ZNF362: variants seen among roughly 807,000 people sequenced by gnomAD.
ZNF362 encodes the protein zinc finger protein 362, also known as rotund homolog.
In ZNF362, 11 loss-of-function variants were observed where a neutral mutation model predicts 42.9. That is an observed-to-expected ratio of 0.26 (90% CI 0.16 to 0.42). The LOEUF is 0.42. Ranked by LOEUF, ZNF362 falls within the 20% of genes least tolerant of loss-of-function variation. The pLI is 1.00. For synonymous variants in ZNF362, 255 were observed against 257.3 expected (o/e 0.99, Z 0.09); for missense variants, 362 against 576.2 (o/e 0.63, Z 3.81).
At chr1:33,214,476 A>G in the ZNF362 span, among the ~76,000 whole-genome samples, 5 of 152,214 alleles carry the variant, frequency 3.3e-5, no homozygotes, top group Non-Finnish European at 7.3e-5. Flanking sequence ...ACAGACAACC[A>G]AAGCAAAAAC....
chr1:33,188,231 AAAACAAACAAAC>A, the ZNF362 span, among the ~76,000 whole-genome samples: 1 of 151,770 alleles, frequency 6.6e-6, no homozygotes, highest in African/African-American at 2.4e-5. Flanking sequence ...ACTTCATCTC[AAAACAAACAAAC>A]AAACAAACAA....
the ZNF362 span, among the ~76,000 whole-genome samples, chr1:33,170,459 G>A: frequency 6.6e-6 from 1 of 152,030 alleles, no homozygotes; most frequent in Non-Finnish European, 1.5e-5. Flanking sequence ...TGTGGAAAGG[G>A]GAGATTTTCA....
chr1:33,295,391 T>G, intron 8 of ZNF362, 86 bp downstream of exon 8: 1 of 1,485,198 alleles, frequency 6.7e-7, no homozygotes, highest in Non-Finnish European at 9.1e-7. Context: ...CAGATCTGTG[T>G]CGACTCTTCC....
At chr1:33,254,040 T>G (rs1645772983), upstream of ZNF362, among the ~76,000 whole-genome samples, 1 of 152,196 alleles carries the variant, frequency 6.6e-6, no homozygotes, top group East Asian at 1.9e-4. Flanking sequence ...GGTAGATACT[T>G]TCCTTGACAC....
At chr1:33,171,980 C>CTGGT in the ZNF362 span, among the ~76,000 whole-genome samples, 1 of 152,080 alleles carries the variant, frequency 6.6e-6, no homozygotes, top group East Asian at 1.9e-4. Context: ...TGGGGTTTCA[C>CTGGT]CATGTTGGTC....
At chr1:33,275,189 T>TCAG (rs1645934592) in intron 2 of ZNF362, 2 of 985,456 alleles carry the variant, frequency 2.0e-6, no homozygotes, top group South Asian at 9.4e-5. Flanking sequence ...ATGGTCCCTG[T>TCAG]AAGTCACTTC....
chr1:33,192,573 A>C, the ZNF362 span, among the ~76,000 whole-genome samples: 1 of 152,238 alleles, frequency 6.6e-6, no homozygotes, highest in African/African-American at 2.4e-5. Flanking sequence ...ACAGTGGTTT[A>C]TTAACGGTTA....
At chr1:33,142,445 G>C in the ZNF362 span, 1 of 152,264 alleles carries the variant, frequency 6.6e-6, no homozygotes, top group Non-Finnish European at 1.5e-5. Context: ...CAAGCCGTGG[G>C]ACCTAACGTT....
the ZNF362 span, among the ~76,000 whole-genome samples, chr1:33,143,758 A>G: frequency 8.2e-3 from 1,251 of 152,346 alleles, 19 homozygotes; most frequent in Non-Finnish European, 0.01. Context: ...AGCCAACACC[A>G]GTCCTGGGCT....
At chr1:33,232,963 A>G in the ZNF362 span, among the ~76,000 whole-genome samples, 472 of 152,334 alleles carry the variant, frequency 3.1e-3, 16 homozygotes, top group East Asian at 0.08. Context: ...CTGAATAACT[A>G]CAGGTATGCA....
chr1:33,250,880 G>GAAGAAGAAGAAGA, the ZNF362 span, among the ~76,000 whole-genome samples: 1 of 151,878 alleles, frequency 6.6e-6, no homozygotes, highest in Non-Finnish European at 1.5e-5. Flanking sequence ...AGAAGAAGAA[G>GAAGAAGAAGAAGA]AAGAAGAAGA....
the ZNF362 span, among the ~76,000 whole-genome samples, chr1:33,238,321 A>AATAAC: frequency 2.6e-5 from 3 of 115,000 alleles, no homozygotes; most frequent in Non-Finnish European, 3.5e-5. Flanking sequence ...TCCGTCTCAA[A>AATAAC]ATAACATAAA....
At chr1:33,247,860 A>C in the ZNF362 span, among the ~76,000 whole-genome samples, 1 of 152,204 alleles carries the variant, frequency 6.6e-6, no homozygotes, top group African/African-American at 2.4e-5. Context: ...TGAGCTCCTT[A>C]GACTCGGTAG....
chr1:33,198,385 G>T, the ZNF362 span, among the ~76,000 whole-genome samples: 1 of 152,150 alleles, frequency 6.6e-6, no homozygotes, highest in Non-Finnish European at 1.5e-5. Flanking sequence ...AAAAGTCAAA[G>T]CTGGGCATGG....
At position 33,295,324 on chromosome 1, in the gene ZNF362, G is replaced by C; in HGVS notation, c.1146+19G>C. The stretch of plus-strand genomic sequence containing the variant: ...CACCTCGGTGAGTGCCGGTCGGCCT[G>C]TGCCCTGCCCCGGGGGAGCCACTTC... On this transcript the variant is annotated intron_variant, in intron 8 of 8. Transcript: ENST00000539719. The C allele has an allele frequency of 6.2e-7, 1 of 1,611,296 alleles. No homozygotes were observed. Among genetic ancestry groups the C allele is most frequent in the Non-Finnish European group, 8.5e-7 (1 of 1,178,628 alleles).
chr1:33,261,270 C>T (rs926122779), intron 1 of ZNF362: 11 of 152,228 alleles, frequency 7.2e-5, no homozygotes, highest in African/African-American at 2.7e-4. Context: ...GAACTCCCTC[C>T]TAACCAGGCC....
the ZNF362 span, among the ~76,000 whole-genome samples, chr1:33,154,344 T>G: frequency 6.6e-6 from 1 of 152,190 alleles, no homozygotes; most frequent in Non-Finnish European, 1.5e-5. Flanking sequence ...AGCTGCCACC[T>G]GCTCCATGTC....
At chr1:33,144,786 T>C in the ZNF362 span, among the ~76,000 whole-genome samples, 1 of 152,202 alleles carries the variant, frequency 6.6e-6, no homozygotes, top group Admixed American at 6.5e-5. Flanking sequence ...GTCTAGGTGG[T>C]TCCATACCCG....
At chr1:33,264,758 A>T (rs1386083620) in intron 1 of ZNF362, among the ~76,000 whole-genome samples, 1 of 152,066 alleles carries the variant, frequency 6.6e-6, no homozygotes, top group Non-Finnish European at 1.5e-5. Flanking sequence ...CCTGCACCAG[A>T]TGCATGGTCT....
Sources: allele counts gnomAD v4.1 joint callset (sites outside exome capture counted in the v4.1 genomes callset), GRCh38; gene constraint gnomAD v4.1.1; transcripts MANE v1.5; gene names NCBI Gene and HGNC (gene_info 2026-07-23, HGNC 2026-07-21).